The following CAMKMT variants were observed in gnomAD, a reference collection of about 807,000 sequenced individuals.
CAMKMT encodes calmodulin-lysine N-methyltransferase.
In CAMKMT, 53 loss-of-function variants were observed where a neutral mutation model predicts 48.0. The ratio of observed to expected loss-of-function variants is 1.10; its 90% confidence interval spans 0.89 to 1.39. The LOEUF (loss-of-function observed/expected upper bound fraction) is 1.39. CAMKMT is among the 40% of genes most tolerant of loss of function. The probability of loss-of-function intolerance (pLI) is 0.00; values close to 1 mark genes in which losing one functional copy is unlikely to be tolerated. For missense variants in CAMKMT, 428 were observed against 402.7 expected (o/e 1.06, Z -0.54); for synonymous variants, 165 against 152.3 (o/e 1.08, Z -0.61).
At chr2:44,509,577 A>T (rs886524217) in intron 3 of CAMKMT, among the ~76,000 whole-genome samples, 1 of 152,048 alleles carries the variant, frequency 6.6e-6, no homozygotes, top group Non-Finnish European at 1.5e-5. Flanking sequence ...TCCTGAATAA[A>T]AGTTTTAAAA....
chr2:44,496,285 A>G (rs146729914), intron 3 of CAMKMT, among the ~76,000 whole-genome samples: 1 of 152,340 alleles, frequency 6.6e-6, no homozygotes, highest in East Asian at 1.9e-4. Flanking sequence ...ATTCAGCGTC[A>G]TATTTTTCCG....
chr2:44,473,451 A>T (rs944018280), intron 3 of CAMKMT, among the ~76,000 whole-genome samples: 1 of 152,216 alleles, frequency 6.6e-6, no homozygotes, highest in African/African-American at 2.4e-5. Context: ...TTTTAAAAAC[A>T]GTGCTATGTT....
chr2:44,563,192 C>G lies in CAMKMT; in HGVS notation c.377-141091C>G, dbSNP rs549213817. Among the ~76,000 whole-genome samples, 6 of 147,544 alleles carry G rather than the reference C, an allele frequency of 4.1e-5. 1 individual carries two copies. In the South Asian group the frequency reaches 1.3e-3, roughly 32 times the overall value. Reference sequence around the variant, plus strand: ...CTACAATCCCACAACTTAGAGGTATCTACTCTTATCTCTTCGGGATGTATT... The same window carrying G: ...CTACAATCCCACAACTTAGAGGTATGTACTCTTATCTCTTCGGGATGTATT... On this transcript the variant is annotated intron_variant, in intron 3 of 10. Transcript: ENST00000378494.
chr2:44,422,412 G>T (rs945864446), intron 3 of CAMKMT, among the ~76,000 whole-genome samples: 1 of 152,010 alleles, frequency 6.6e-6, no homozygotes, highest in African/African-American at 2.4e-5. Flanking sequence ...TGAATATTGG[G>T]CAATTCTCAG....
At chr2:44,746,571 G>A (rs967810214) in intron 8 of CAMKMT, among the ~76,000 whole-genome samples, 8 of 152,112 alleles carry the variant, frequency 5.3e-5, no homozygotes, top group African/African-American at 1.7e-4. Context: ...CAGCATTTTT[G>A]ACAATGAAAA....
intron 3 of CAMKMT, among the ~76,000 whole-genome samples, chr2:44,647,857 G>A (rs1673824114): frequency 7.3e-6 from 1 of 137,778 alleles, no homozygotes; most frequent in Admixed American, 8.0e-5. Context: ...GCAGTGAGCC[G>A]AGATCCCACC....
intron 6 of CAMKMT, among the ~76,000 whole-genome samples, chr2:44,711,575 C>T (rs1316650508): frequency 1.3e-5 from 2 of 152,188 alleles, no homozygotes; most frequent in African/African-American, 4.8e-5. Context: ...CTCCACCTCC[C>T]TAAGTGTTGG....
In CAMKMT at chr2:44,520,070, T is replaced by A. The variant is rs967356899; in HGVS notation, c.376+129765T>A. On this transcript the variant is annotated intron_variant, in intron 3 of 10. Coordinates refer to ENST00000378494, the MANE Select transcript of CAMKMT (RefSeq NM_024766.5). ...ACTAAAAATACAAAAAAAAAAAAAA[T>A]TAGCCAGGCGTGGTGGTGGGCACCT... Among the ~76,000 whole-genome samples, 160 of 118,752 alleles carry A rather than the reference T, an allele frequency of 1.3e-3. 1 individual carries two copies. The highest frequency in any genetic ancestry group is 4.1e-3 in the Admixed American group (50 of 12,250). The allele number at this position is 118,752 out of a possible 152,430, so 77.9% of individuals were successfully genotyped here. A position where few individuals can be genotyped will look rare whatever the true frequency, so the allele number is the denominator to read the frequency against.
intron 7 of CAMKMT, among the ~76,000 whole-genome samples, chr2:44,726,036 T>C (rs1678765989): frequency 1.3e-5 from 2 of 152,218 alleles, no homozygotes; most frequent in Admixed American, 6.5e-5. Context: ...CACATATTTA[T>C]ATCCATGTGT....
chr2:44,390,594 C>T (rs529038458), intron 3 of CAMKMT, among the ~76,000 whole-genome samples: 28 of 151,966 alleles, frequency 1.8e-4, no homozygotes, highest in African/African-American at 6.8e-4. Context: ...GAACACTGGA[C>T]ACTGAAGTAC....
intron 3 of CAMKMT, among the ~76,000 whole-genome samples, chr2:44,495,519 T>C (rs1042528534): frequency 6.6e-6 from 1 of 152,220 alleles, no homozygotes; most frequent in African/African-American, 2.4e-5. Context: ...TTTTGTAATA[T>C]GTGAAAAAAA....
chr2:44,516,160 T>C (rs698782), intron 3 of CAMKMT, among the ~76,000 whole-genome samples: 18,277 of 152,180 alleles, frequency 0.12, 1,642 homozygotes, highest in African/African-American at 0.25. Context: ...AGTAATCCTG[T>C]TCCAAACCAT....
intron 3 of CAMKMT, among the ~76,000 whole-genome samples, chr2:44,573,364 CCCTT>C (rs1219532710): frequency 6.6e-6 from 1 of 151,676 alleles, no homozygotes; most frequent in African/African-American, 2.4e-5. Flanking sequence ...AATATTTTCT[CCCTT>C]CCTATAGGTT....
At chr2:44,548,676 A>C (rs1667537301) in intron 3 of CAMKMT, among the ~76,000 whole-genome samples, 1 of 152,184 alleles carries the variant, frequency 6.6e-6, no homozygotes, top group African/African-American at 2.4e-5. Context: ...GTCAGAGACG[A>C]AGCAGGAGAA....
At chr2:44,482,853 CTCTT>C (rs1446689888) in intron 3 of CAMKMT, among the ~76,000 whole-genome samples, 2 of 152,134 alleles carry the variant, frequency 1.3e-5, no homozygotes, top group Non-Finnish European at 2.9e-5. Context: ...ATTATTCTCT[CTCTT>C]CATGGAATCC....
chr2:44,392,412 A>G (rs1681435718), intron 3 of CAMKMT, among the ~76,000 whole-genome samples: 1 of 152,252 alleles, frequency 6.6e-6, no homozygotes, highest in East Asian at 1.9e-4. Context: ...TAAAGTAAAT[A>G]TTGATTATGA....
rs111668620 is a variant in CAMKMT at position 44,586,010 on chromosome 2, T to A, written c.377-118273T>A. Among the ~76,000 whole-genome samples the A allele has an allele frequency of 3.5e-3, 536 of 152,262 alleles. 4 individuals are homozygous for A. The highest frequency in any genetic ancestry group is 0.012 in the African/African-American group (512 of 41,546). ...AGCTAGAGGGTCCAGAGAAAAACAT[T>A]CTAAATATACAAGAAGATAAATAAA... On this transcript the variant is annotated intron_variant, in intron 3 of 10. Transcript: ENST00000378494.
chr2:44,427,137 C>G (rs1374829639), intron 3 of CAMKMT, among the ~76,000 whole-genome samples: 1 of 152,142 alleles, frequency 6.6e-6, no homozygotes, highest in Non-Finnish European at 1.5e-5. Context: ...ACATCTACCT[C>G]TGACCATATA....
intron 3 of CAMKMT, among the ~76,000 whole-genome samples, chr2:44,440,772 C>T (rs1666605303): frequency 6.6e-6 from 1 of 152,118 alleles, no homozygotes; most frequent in African/African-American, 2.4e-5. Flanking sequence ...ATCACATACT[C>T]TTAGAATTCT....
Sources: gnomAD v4.1 joint callset for allele counts (sites outside exome capture counted in the v4.1 genomes callset) on GRCh38, gnomAD v4.1.1 for gene constraint, MANE v1.5 for transcripts, NCBI Gene and HGNC (gene_info 2026-07-23, HGNC 2026-07-21) for gene names.